FOXP1: variants seen among roughly 807,000 people sequenced by gnomAD.
FOXP1 encodes forkhead box P1, also known as forkhead box protein P1.
In FOXP1, 15 loss-of-function variants were observed where a neutral mutation model predicts 98.2. The observed-to-expected ratio is 0.15, with a 90% CI of 0.10 to 0.24. The LOEUF (loss-of-function observed/expected upper bound fraction) is 0.24, where lower values mean the gene tolerates loss of function less well. Among genes scored for constraint, FOXP1 ranks in the 10% least tolerant of loss-of-function variants. The pLI is 1.00. For synonymous variants in FOXP1, 371 were observed against 314.5 expected (o/e 1.18, Z -1.90); for missense variants, 633 against 848.5 (o/e 0.75, Z 3.15).
Position 71,479,912 on chromosome 3 carries a change from A to T in FOXP1, c.-168+13514T>A, listed in dbSNP as rs544607566. ...ATCTGGAAATAGAAATAAAAACAGA[A>T]ACAGGCTGGGTACGGTGGCTCACGC... On this transcript the variant is annotated intron_variant, in intron 3 of 20. Coordinates refer to ENST00000649528, the MANE Select transcript of FOXP1 (RefSeq NM_001349338.3). Among the ~76,000 whole-genome samples the T allele has an allele frequency of 5.3e-5, 8 of 152,264 alleles. No homozygotes were observed. In the East Asian group the frequency reaches 9.7e-4, roughly 18 times the overall value.
At chr3:71,575,487 G>A (rs2047658123) in intron 2 of FOXP1, among the ~76,000 whole-genome samples, 4 of 152,086 alleles carry the variant, frequency 2.6e-5, no homozygotes, top group Admixed American at 2.6e-4. Flanking sequence ...ACAGAGGTAG[G>A]TGAGCGAGGA....
chr3:71,385,049 C>G (rs984134773), intron 3 of FOXP1, among the ~76,000 whole-genome samples: 1 of 151,696 alleles, frequency 6.6e-6, no homozygotes, highest in Non-Finnish European at 1.5e-5. Flanking sequence ...CATCAGTGAC[C>G]CTGAAGTGTG....
chr3:71,104,206 T>C (rs1280242301), intron 7 of FOXP1, among the ~76,000 whole-genome samples: 2 of 152,146 alleles, frequency 1.3e-5, no homozygotes, highest in Non-Finnish European at 2.9e-5. Context: ...AAGACTAAAA[T>C]CATGATTATT....
At chr3:71,545,378 T>C (rs890112437) in intron 2 of FOXP1, among the ~76,000 whole-genome samples, 1 of 152,376 alleles carries the variant, frequency 6.6e-6, no homozygotes, top group Admixed American at 6.5e-5. Flanking sequence ...AATAGCTCTT[T>C]ATTGCACATT....
chr3:71,113,394 G>A (rs570556418), intron 6 of FOXP1, among the ~76,000 whole-genome samples: 1 of 152,268 alleles, frequency 6.6e-6, no homozygotes, highest in South Asian at 2.1e-4. Context: ...GAAAACAGAA[G>A]AGTCCTCTAA....
chr3:71,413,288 A>ACACACACACACACACC (rs1261716854), intron 3 of FOXP1, among the ~76,000 whole-genome samples: 5 of 144,582 alleles, frequency 3.5e-5, no homozygotes, highest in Non-Finnish European at 4.5e-5. Flanking sequence ...ACACACACAC[A>ACACACACACACACACC]CACCCAAAAC....
intron 7 of FOXP1, among the ~76,000 whole-genome samples, chr3:71,059,215 T>A (rs1055590014): frequency 6.6e-6 from 1 of 152,188 alleles, no homozygotes; most frequent in Non-Finnish European, 1.5e-5. Flanking sequence ...AAAAAAATTG[T>A]AAGGCCAAGG....
At chr3:71,217,427 T>G (rs1229656365) in intron 5 of FOXP1, among the ~76,000 whole-genome samples, 1 of 152,190 alleles carries the variant, frequency 6.6e-6, no homozygotes, top group Non-Finnish European at 1.5e-5. Context: ...TTCTACTTCT[T>G]GTTCAGAAGT....
intron 5 of FOXP1, among the ~76,000 whole-genome samples, chr3:71,235,342 C>T (rs1351225079): frequency 3.3e-5 from 5 of 152,056 alleles, no homozygotes; most frequent in African/African-American, 4.8e-5. Flanking sequence ...TAATGAACAC[C>T]GATTACGAAA....
intron 2 of FOXP1, among the ~76,000 whole-genome samples, chr3:71,500,739 G>A (rs985128002): frequency 2.6e-5 from 4 of 152,078 alleles, no homozygotes; most frequent in African/African-American, 9.7e-5. Context: ...CAGCCAAGTC[G>A]TTCCTCTGCC....
intron 2 of FOXP1, among the ~76,000 whole-genome samples, chr3:71,516,695 A>G (rs2042605915): frequency 6.6e-6 from 1 of 151,990 alleles, no homozygotes; most frequent in African/African-American, 2.4e-5. Context: ...AAAATACAAA[A>G]ATCAGCTGGG....
At chr3:71,499,469 A>C (rs2041171563) in intron 2 of FOXP1, among the ~76,000 whole-genome samples, 1 of 152,236 alleles carries the variant, frequency 6.6e-6, no homozygotes, top group South Asian at 2.1e-4. Flanking sequence ...TGTGCATATA[A>C]ACATACAGAC....
At chr3:71,105,929 G>A (rs565501060) in intron 7 of FOXP1, among the ~76,000 whole-genome samples, 20 of 152,184 alleles carry the variant, frequency 1.3e-4, no homozygotes, top group African/African-American at 4.1e-4. Flanking sequence ...GGAAAATAGC[G>A]TAATTTACTT....
chr3:71,027,185 TG>T (rs756396533), intron 11 of FOXP1, among the ~76,000 whole-genome samples: 3 of 152,188 alleles, frequency 2.0e-5, no homozygotes, highest in Non-Finnish European at 4.4e-5. Flanking sequence ...GTGTTTGCAC[TG>T]GTGAGTCACA....
chr3:71,386,470 C>A (rs1189950868), intron 3 of FOXP1, among the ~76,000 whole-genome samples: 1 of 152,140 alleles, frequency 6.6e-6, no homozygotes, highest in Non-Finnish European at 1.5e-5. Context: ...ACGCCCTGTG[C>A]GGTGGCTCAT....
At chr3:71,370,460 C>T (rs182177897) in intron 3 of FOXP1, among the ~76,000 whole-genome samples, 121 of 152,284 alleles carry the variant, frequency 7.9e-4, no homozygotes, top group Non-Finnish European at 1.6e-3. Context: ...CACCCAACTC[C>T]TCCTTTAGAA....
Position 71,112,557 on chromosome 3 carries a change from A to G in FOXP1, c.261T>C (p.Asn87=), listed in dbSNP as rs2058029865. ...QVSGLKSPKR[N]DKQPALQVPV... Reference sequence around the variant, plus strand: ...TTACCTGAAGAGCTGGTTGTTTGTCATTCCTCTTGGGAGATTTTAATCCAC... The same window carrying G: ...TTACCTGAAGAGCTGGTTGTTTGTCGTTCCTCTTGGGAGATTTTAATCCAC... Residue 87 remains asparagine, a synonymous_variant, in exon 7 of 21, where the codon AAT becomes AAC. Transcript: ENST00000649528. 8 of 1,613,844 alleles carry G rather than the reference A, an allele frequency of 5.0e-6. No individual in the cohort carries two copies. Among genetic ancestry groups the G allele is most frequent in the Non-Finnish European group, 6.8e-6 (8 of 1,179,736 alleles).
chr3:71,253,268 G>T (rs1194183991), intron 5 of FOXP1, among the ~76,000 whole-genome samples: 1 of 152,176 alleles, frequency 6.6e-6, no homozygotes, highest in Non-Finnish European at 1.5e-5. Context: ...TGGACAGCTG[G>T]GCATGTATCT....
chr3:71,436,615 C>T (rs1431807640), intron 3 of FOXP1, among the ~76,000 whole-genome samples: 1 of 152,052 alleles, frequency 6.6e-6, no homozygotes, highest in Non-Finnish European at 1.5e-5. Flanking sequence ...CTCACATAGG[C>T]CCTTATAATA....
Sources: gnomAD v4.1 joint callset for allele counts (sites outside exome capture counted in the v4.1 genomes callset) on GRCh38, gnomAD v4.1.1 for gene constraint, MANE v1.5 for transcripts, NCBI Gene and HGNC (gene_info 2026-07-23, HGNC 2026-07-21) for gene names.